The following TYW1 variants were observed in gnomAD, a reference collection of about 807,000 sequenced individuals.
TYW1 encodes S-adenosyl-L-methionine-dependent tRNA 4-demethylwyosine synthase TYW1.
Under a neutral mutation model 96.2 loss-of-function variants are expected in TYW1, and 46 were observed. That is an observed-to-expected ratio of 0.48 (90% CI 0.38 to 0.61). The LOEUF is 0.61. Among genes scored for constraint, TYW1 ranks in the 20% least tolerant of loss-of-function variants. The probability of loss-of-function intolerance (pLI) is 0.00; values close to 1 mark genes in which losing one functional copy is unlikely to be tolerated. For synonymous variants in TYW1, 274 were observed against 323.0 expected (o/e 0.85, Z 1.63); for missense variants, 684 against 909.6 (o/e 0.75, Z 3.19).
chr7:67,215,353 C>A (rs1343967495), intron 15 of TYW1, among the ~76,000 whole-genome samples: 1 of 152,196 alleles, frequency 6.6e-6, no homozygotes. Flanking sequence ...TTAACAGCCC[C>A]TTCCCTTTGA....
chr7:67,114,886 C>T (rs1391019526), intron 12 of TYW1, among the ~76,000 whole-genome samples: 1 of 152,164 alleles, frequency 6.6e-6, no homozygotes, highest in Non-Finnish European at 1.5e-5. Flanking sequence ...TTCCTCTTCT[C>T]CATTCTTCCT....
At chr7:67,234,888 A>C (rs1169317058) in intron 15 of TYW1, among the ~76,000 whole-genome samples, 1 of 152,012 alleles carries the variant, frequency 6.6e-6, no homozygotes, top group East Asian at 1.9e-4. Flanking sequence ...TTGTATTCCC[A>C]GCTTGTGTGT....
At chr7:67,024,610 G>A (rs1179797915) in intron 6 of TYW1, among the ~76,000 whole-genome samples, 1 of 151,936 alleles carries the variant, frequency 6.6e-6, no homozygotes, top group African/African-American at 2.4e-5. Context: ...GTGAAACCCT[G>A]TCTCTACTAA....
intron 13 of TYW1, among the ~76,000 whole-genome samples, chr7:67,123,884 G>A (rs10228157): frequency 0.32 from 47,943 of 152,088 alleles, 8,128 homozygotes; most frequent in African/African-American, 0.44. Context: ...TGTCAAAAAG[G>A]AAGTATGGTG....
intron 7 of TYW1, among the ~76,000 whole-genome samples, chr7:67,047,787 T>TC (rs1161687353): frequency 7.4e-6 from 1 of 135,780 alleles, no homozygotes; most frequent in Non-Finnish European, 1.6e-5. Context: ...GTGTCAATTT[T>TC]TTTTTTTTTT....
intron 15 of TYW1, among the ~76,000 whole-genome samples, chr7:67,217,661 G>A (rs1054473505): frequency 6.6e-5 from 10 of 152,030 alleles, no homozygotes; most frequent in African/African-American, 2.2e-4. Context: ...TTTGTTGTAA[G>A]TTTTGAAATC....
chr7:67,061,368 C>T (rs1469460547), intron 9 of TYW1, among the ~76,000 whole-genome samples: 4 of 152,124 alleles, frequency 2.6e-5, no homozygotes, highest in African/African-American at 4.8e-5. Context: ...AAACAATGCA[C>T]GGGGCTACAA....
At chr7:67,193,851 T>TG (rs1491232725) in intron 14 of TYW1, among the ~76,000 whole-genome samples, 9 of 138,724 alleles carry the variant, frequency 6.5e-5, no homozygotes, top group African/African-American at 2.3e-4. Context: ...TTTGTGTGTG[T>TG]TTGTGTGTGT....
At chr7:67,201,467 A>G (rs1042266007) in intron 15 of TYW1, among the ~76,000 whole-genome samples, 20 of 150,066 alleles carry the variant, frequency 1.3e-4, no homozygotes, top group Admixed American at 2.0e-4. Flanking sequence ...GACCTGGCAA[A>G]GTATTAAATG....
intron 12 of TYW1, among the ~76,000 whole-genome samples, chr7:67,104,475 G>A (rs1797180453): frequency 6.6e-6 from 1 of 152,124 alleles, no homozygotes; most frequent in Admixed American, 6.6e-5. Context: ...ACAGCAAGGG[G>A]GACGTCCCCA....
intron 13 of TYW1, among the ~76,000 whole-genome samples, chr7:67,165,537 TCCCAGTTTTGG>T (rs1268990271): frequency 6.6e-6 from 1 of 151,770 alleles, no homozygotes; most frequent in Non-Finnish European, 1.5e-5. Flanking sequence ...TTCTCTATCT[TCCCAGTTTTGG>T]CAGTAGGGAA....
At chr7:67,152,761 C>G (rs1798843462) in intron 13 of TYW1, among the ~76,000 whole-genome samples, 1 of 152,100 alleles carries the variant, frequency 6.6e-6, no homozygotes, top group South Asian at 2.1e-4. Flanking sequence ...GCCACCACGC[C>G]TGGCTCATTT....
At chr7:67,075,034 G>A (rs750542976) in intron 10 of TYW1, among the ~76,000 whole-genome samples, 20 of 152,158 alleles carry the variant, frequency 1.3e-4, no homozygotes, top group South Asian at 1.2e-3. Context: ...GTGAGCCACC[G>A]GGCCTGACCA....
At chr7:67,039,849 G>A (rs1179436735) in intron 7 of TYW1, among the ~76,000 whole-genome samples, 1 of 151,896 alleles carries the variant, frequency 6.6e-6, no homozygotes, top group East Asian at 1.9e-4. Flanking sequence ...TTTTAGTATA[G>A]ACGGGGTTTC....
intron 8 of TYW1, among the ~76,000 whole-genome samples, chr7:67,055,596 T>TAA (rs376462145): frequency 4.2e-4 from 59 of 139,948 alleles, no homozygotes; most frequent in Middle Eastern, 3.7e-3. Context: ...GGGACTGTCT[T>TAA]AAAAAAAAAA....
intron 4 of TYW1, among the ~76,000 whole-genome samples, chr7:67,014,111 G>C (rs190580004): frequency 1.3e-5 from 2 of 152,236 alleles, no homozygotes; most frequent in African/African-American, 4.8e-5. Flanking sequence ...AGAATGTATA[G>C]TCTGGATAAC....
chr7:67,102,374 A>G (rs1239169060), intron 12 of TYW1, among the ~76,000 whole-genome samples: 1 of 152,218 alleles, frequency 6.6e-6, no homozygotes, highest in Non-Finnish European at 1.5e-5. Context: ...GGATTGTGGA[A>G]TACGACAAGA....
In TYW1 at chr7:67,197,884, C is replaced by T. The variant is rs186763658; in HGVS notation, c.1977+2547C>T. Among the ~76,000 whole-genome samples, 358 of 151,442 alleles carry T rather than the reference C, an allele frequency of 2.4e-3. 2 individuals are homozygous for T. The highest frequency in any genetic ancestry group is 8.2e-3 in the African/African-American group (337 of 41,184). The stretch of plus-strand genomic sequence containing the variant: ...AAATCACCTGTTACCATTTTTCTGC[C>T]ATTTGCTTGTTCTCTTGCTCTCTCT... On this transcript the variant is annotated intron_variant, in intron 15 of 15. Transcript: ENST00000359626.
chr7:67,007,926 C>T (rs573516002), intron 3 of TYW1, among the ~76,000 whole-genome samples: 7 of 152,242 alleles, frequency 4.6e-5, no homozygotes, highest in South Asian at 4.1e-4. Context: ...TGAGCCACCA[C>T]GCCTGGCCAA....
Sources: gnomAD v4.1 joint callset for allele counts (sites outside exome capture counted in the v4.1 genomes callset) on GRCh38, gnomAD v4.1.1 for gene constraint, MANE v1.5 for transcripts, NCBI Gene and HGNC (gene_info 2026-07-23, HGNC 2026-07-21) for gene names.